Variants in CDC42BPA observed in about 807,000 individuals in gnomAD.
CDC42BPA encodes serine/threonine-protein kinase MRCK alpha.
Under a neutral mutation model 223.5 loss-of-function variants are expected in CDC42BPA, and 80 were observed. That is an observed-to-expected ratio of 0.36 (90% CI 0.30 to 0.43). The LOEUF is 0.43. Among genes scored for constraint, CDC42BPA ranks in the 20% least tolerant of loss-of-function variants. The pLI, the probability that CDC42BPA is intolerant of heterozygous loss-of-function variation, is 1.00. For missense variants in CDC42BPA, 1,743 were observed against 2,099.9 expected, an observed-to-expected ratio of 0.83 and a Z score of 3.32; for synonymous variants, 694 against 718.6, an observed-to-expected ratio of 0.97 and a Z score of 0.55.
intron 18 of CDC42BPA, 122 bp downstream of exon 18, chr1:227,074,137 A>G: frequency 7.3e-7 from 1 of 1,361,560 alleles, no homozygotes; most frequent in Non-Finnish European, 1.0e-6. Flanking sequence ...TTTCTCATAA[A>G]AAACTCTTTA....
intron 24 of CDC42BPA, among the ~76,000 whole-genome samples, chr1:227,035,930 G>GT (rs1226171754): frequency 4.6e-5 from 7 of 152,168 alleles, no homozygotes; most frequent in African/African-American, 1.2e-4. Context: ...GGTTTCTAGA[G>GT]TTTTTTGCTC....
intron 1 of CDC42BPA, among the ~76,000 whole-genome samples, chr1:227,300,836 G>A (rs993916252): frequency 1.3e-5 from 2 of 152,074 alleles, no homozygotes; most frequent in East Asian, 3.9e-4. Context: ...TTACACACAC[G>A]CACACACGGC....
intron 35 of CDC42BPA, among the ~76,000 whole-genome samples, chr1:227,000,815 TAA>T (rs112257437): frequency 3.5e-4 from 50 of 142,814 alleles, no homozygotes; most frequent in African/African-American, 6.9e-4. Flanking sequence ...CTACAACCTT[TAA>T]AAAAAAAAAA....
At chr1:227,271,848 C>T (rs1344740226) in intron 1 of CDC42BPA, among the ~76,000 whole-genome samples, 1 of 152,154 alleles carries the variant, frequency 6.6e-6, no homozygotes, top group Non-Finnish European at 1.5e-5. Context: ...TACATGCCTT[C>T]TTTCGAGCAT....
At chr1:227,052,386 T>C (rs1673690035) in intron 21 of CDC42BPA, among the ~76,000 whole-genome samples, 1 of 152,188 alleles carries the variant, frequency 6.6e-6, no homozygotes, top group South Asian at 2.1e-4. Context: ...TTGATAAGAA[T>C]GAAGTTTGGT....
chr1:227,301,338 G>T (rs1691583645), intron 1 of CDC42BPA, among the ~76,000 whole-genome samples: 2 of 151,060 alleles, frequency 1.3e-5, no homozygotes, highest in African/African-American at 4.9e-5. Context: ...TAAGATCAGT[G>T]AAGTAGGAGT....
At chr1:227,251,841 CAT>C (rs1342477792) in intron 2 of CDC42BPA, among the ~76,000 whole-genome samples, 3 of 152,184 alleles carry the variant, frequency 2.0e-5, no homozygotes, top group South Asian at 2.1e-4. Context: ...ATTCTAATCA[CAT>C]AGAGTATGCG....
At chr1:227,284,759 G>A (rs750000153) in intron 1 of CDC42BPA, among the ~76,000 whole-genome samples, 5 of 151,934 alleles carry the variant, frequency 3.3e-5, no homozygotes, top group African/African-American at 7.3e-5. Flanking sequence ...TCAGGACTTC[G>A]AGACCAGCCT....
intron 1 of CDC42BPA, among the ~76,000 whole-genome samples, chr1:227,264,024 T>C (rs1684561536): frequency 6.6e-6 from 1 of 152,234 alleles, no homozygotes; most frequent in African/African-American, 2.4e-5. Context: ...TTCTATTCTT[T>C]GGTCAGTGCA....
At chr1:227,034,508 A>G (rs2148695436) in intron 26 of CDC42BPA, 147 bp downstream of exon 26, 2 of 727,206 alleles carry the variant, frequency 2.8e-6, no homozygotes, top group Non-Finnish European at 4.4e-6. Flanking sequence ...TCCTATTTTC[A>G]ATTCTGTTTC....
intron 3 of CDC42BPA, among the ~76,000 whole-genome samples, chr1:227,210,692 A>C (rs1217094414): frequency 6.6e-6 from 1 of 152,336 alleles, no homozygotes; most frequent in East Asian, 1.9e-4. Flanking sequence ...ATTTTTTAAA[A>C]GTTCTAACTC....
rs1390370328 is a variant in CDC42BPA at position 227,207,204 on chromosome 1, T to C, written c.354+5932A>G. 4.0e-5 allele frequency among the ~76,000 whole-genome samples: 6 copies of C among 150,608 alleles called. No homozygotes were observed. In the East Asian group the frequency reaches 1.0e-3, roughly 25 times the overall value. On this transcript the variant is annotated intron_variant, in intron 3 of 36. Coordinates refer to ENST00000366766, the MANE Select transcript of CDC42BPA (RefSeq NM_001394014.1). ...GGTGTTTGGTTTTTTGTCCTTGCGATAGTTTGCTGAGAATGATGGTTTCCA... is the reference window on the plus strand; with the variant it reads ...GGTGTTTGGTTTTTTGTCCTTGCGACAGTTTGCTGAGAATGATGGTTTCCA...
At chr1:227,089,627 G>GTTTTTTTTTTT (rs72110440) in intron 16 of CDC42BPA, among the ~76,000 whole-genome samples, 1 of 116,718 alleles carries the variant, frequency 8.6e-6, no homozygotes, top group Non-Finnish European at 1.7e-5. Flanking sequence ...GGGTAATTCC[G>GTTTTTTTTTTT]TTTTTTTTTT....
At chr1:227,162,956 GT>G (rs1252167982) in intron 5 of CDC42BPA, among the ~76,000 whole-genome samples, 1 of 139,082 alleles carries the variant, frequency 7.2e-6, no homozygotes, top group African/African-American at 2.8e-5. Context: ...AAACATATAT[GT>G]TTCCAAACGT....
chr1:227,081,109 T>C (rs1413272187), intron 16 of CDC42BPA, 92 bp from the exon 17 acceptor site: 4 of 1,268,972 alleles, frequency 3.2e-6, no homozygotes, highest in African/African-American at 1.5e-5. Context: ...CTCAACATCA[T>C]CTACCCAAAA....
At chr1:227,092,712 A>G (rs1683303533) in intron 15 of CDC42BPA, among the ~76,000 whole-genome samples, 1 of 152,228 alleles carries the variant, frequency 6.6e-6, no homozygotes, top group Non-Finnish European at 1.5e-5. Flanking sequence ...TTACTTCGAA[A>G]TAATTTCATT....
intron 12 of CDC42BPA, among the ~76,000 whole-genome samples, chr1:227,113,143 A>AGT (rs1687198045): frequency 6.6e-6 from 1 of 152,242 alleles, no homozygotes; most frequent in South Asian, 2.1e-4. Flanking sequence ...TTAACCTTAT[A>AGT]GTACCTTAGT....
Position 227,016,097 on chromosome 1 carries a change from G to T in CDC42BPA, c.4840C>A (p.Leu1614Met). Residue 1614 changes from leucine to methionine, a missense_variant, in exon 34 of 37, where the codon CTG becomes ATG. Around this residue, in one of 6 missense-constraint regions of CDC42BPA, gnomAD observed 200 missense variants for 192.8 expected, o/e 1.04. Transcript: ENST00000366766. ...CCTCTTACCATGGGCAGATCTTTCA[G>T]GATCTGTATTCCATCTCCAGGACCC... ...HMGPGDGIQI[L>M]KDLPMNPRPQ... The T allele has an allele frequency of 6.3e-7, 1 of 1,579,498 alleles. No homozygotes were observed. The highest frequency in any genetic ancestry group is 8.7e-7 in the Non-Finnish European group (1 of 1,149,076).
intron 6 of CDC42BPA, among the ~76,000 whole-genome samples, chr1:227,149,551 T>A (rs562125345): frequency 5.3e-5 from 8 of 152,250 alleles, no homozygotes; most frequent in Non-Finnish European, 1.2e-4. Flanking sequence ...AATAAGCATG[T>A]TTAAAATTAT....
Sources: allele counts gnomAD v4.1 joint callset (sites outside exome capture counted in the v4.1 genomes callset), GRCh38; gene constraint gnomAD v4.1.1; regional missense constraint gnomAD v4.1.1; transcripts MANE v1.5; gene names NCBI Gene and HGNC (gene_info 2026-07-23, HGNC 2026-07-21).